THSD4: variants seen among roughly 807,000 people sequenced by gnomAD.
THSD4 encodes thrombospondin type-1 domain-containing protein 4.
THSD4 carries 69 observed loss-of-function variants against 119.0 expected under a neutral mutation model. That is an observed-to-expected ratio of 0.58 (90% CI 0.48 to 0.71). The LOEUF (loss-of-function observed/expected upper bound fraction) is 0.71. Among genes scored for constraint, THSD4 ranks in the 30% least tolerant of loss-of-function variants. The probability of loss-of-function intolerance (pLI) is 0.00; values close to 1 mark genes in which losing one functional copy is unlikely to be tolerated. For synonymous variants in THSD4, 524 were observed against 540.4 expected (o/e 0.97, Z 0.42); for missense variants, 1,393 against 1,391.1 (o/e 1.00, Z -0.02).
chr15:71,253,754 A>G (rs2044284821), intron 5 of THSD4, among the ~76,000 whole-genome samples: 1 of 152,180 alleles, frequency 6.6e-6, no homozygotes, highest in Non-Finnish European at 1.5e-5. Flanking sequence ...TTGCAGAAAA[A>G]ATTAAATAAC....
At chr15:71,558,930 T>C (rs1356902024) in intron 7 of THSD4, among the ~76,000 whole-genome samples, 1 of 152,210 alleles carries the variant, frequency 6.6e-6, no homozygotes, top group African/African-American at 2.4e-5. Flanking sequence ...GTATGTGCGA[T>C]GCTGATTTTT....
At chr15:71,244,421 A>G (rs923295309) in intron 5 of THSD4, among the ~76,000 whole-genome samples, 7 of 152,206 alleles carry the variant, frequency 4.6e-5, no homozygotes, top group African/African-American at 1.4e-4. Flanking sequence ...CAATTTCCTC[A>G]TTAAAAATAT....
intron 7 of THSD4, among the ~76,000 whole-genome samples, chr15:71,449,123 C>T (rs1039113507): frequency 1.3e-5 from 2 of 152,196 alleles, no homozygotes; most frequent in African/African-American, 4.8e-5. Flanking sequence ...GAAACCTATT[C>T]TCCTTGGCCA....
intron 7 of THSD4, among the ~76,000 whole-genome samples, chr15:71,593,716 A>G (rs940019199): frequency 3.3e-5 from 5 of 152,046 alleles, no homozygotes; most frequent in African/African-American, 1.2e-4. Context: ...CCTGGGCAAC[A>G]TGGCAAAACC....
chr15:71,291,955 T>A (rs1179027646), intron 6 of THSD4, among the ~76,000 whole-genome samples: 2 of 152,184 alleles, frequency 1.3e-5, no homozygotes, highest in Non-Finnish European at 2.9e-5. Context: ...CACATCCTGC[T>A]TTCTTGGTTA....
intron 10 of THSD4, among the ~76,000 whole-genome samples, chr15:71,735,342 G>A (rs1447578822): frequency 2.6e-5 from 4 of 152,090 alleles, no homozygotes; most frequent in Non-Finnish European, 4.4e-5. Context: ...GCTTCCTCCT[G>A]GGACACTGGA....
chr15:71,295,998 CCTTT>C (rs1415030183), intron 6 of THSD4, among the ~76,000 whole-genome samples: 1 of 152,140 alleles, frequency 6.6e-6, no homozygotes, highest in Non-Finnish European at 1.5e-5. Context: ...ATAGCCTATT[CCTTT>C]CTATTGCTCA....
chr15:71,580,454 A>G (rs2049536750), intron 7 of THSD4, among the ~76,000 whole-genome samples: 1 of 152,212 alleles, frequency 6.6e-6, no homozygotes, highest in Non-Finnish European at 1.5e-5. Flanking sequence ...GCTAATTAAC[A>G]TATCCATCAC....
intron 7 of THSD4, among the ~76,000 whole-genome samples, chr15:71,438,370 G>T (rs2140549185): frequency 6.6e-6 from 1 of 151,960 alleles, no homozygotes; most frequent in African/African-American, 2.4e-5. Context: ...TTTTTAAATG[G>T]CAAATTTAGC....
intron 7 of THSD4, among the ~76,000 whole-genome samples, chr15:71,587,831 T>TGGTAA (rs2049711504): frequency 6.8e-6 from 1 of 148,102 alleles, no homozygotes; most frequent in African/African-American, 2.5e-5. Flanking sequence ...AAAAAACAGT[T>TGGTAA]TTACCATGTT....
Position 71,478,730 on chromosome 15 carries a change from G to A in THSD4, c.1152+66907G>A, listed in dbSNP as rs79161158. 5.1e-4 allele frequency among the ~76,000 whole-genome samples: 77 copies of A among 152,184 alleles called. No homozygotes were observed. In the East Asian group the frequency reaches 0.012, roughly 23 times the overall value. On this transcript the variant is annotated intron_variant, in intron 7 of 17. Transcript: ENST00000261862. ...GGGATGTGCAATAATAAAATATTGGGGACTGTATTTCTGATAAAGGGAAGA... is the reference window on the plus strand; with the variant it reads ...GGGATGTGCAATAATAAAATATTGGAGACTGTATTTCTGATAAAGGGAAGA...
At chr15:71,556,962 T>C (rs946140784) in intron 7 of THSD4, among the ~76,000 whole-genome samples, 4 of 152,196 alleles carry the variant, frequency 2.6e-5, no homozygotes, top group African/African-American at 9.6e-5. Flanking sequence ...ATTTTGAGTT[T>C]GTTTCTTTTC....
intron 3 of THSD4, among the ~76,000 whole-genome samples, chr15:71,158,717 G>A (rs2043225481): frequency 6.6e-6 from 1 of 151,340 alleles, no homozygotes; most frequent in African/African-American, 2.4e-5. Context: ...CCCCTTGTCA[G>A]ATGTATAGTT....
rs1463517184 is a variant in THSD4 at position 71,781,010 on chromosome 15, CAT to C, written c.*3638_*3639del. 2 of 333,248 alleles carry C rather than the reference CAT, an allele frequency of 6.0e-6. No homozygotes were observed. Among genetic ancestry groups the C allele is most frequent in the East Asian group, 1.5e-4 (2 of 13,354 alleles). The allele number at this position is 333,248 out of a possible 1,614,324, so 20.6% of individuals were successfully genotyped here. A position where few individuals can be genotyped will look rare whatever the true frequency, so the allele number is the denominator to read the frequency against. The stretch of plus-strand genomic sequence containing the variant: ...ATATCAATTCTAATGAGGAGGAAGA[CAT>C]AAATATAAGTGGTAAAAAGAAACAT... On this transcript the variant is annotated 3_prime_UTR_variant, in exon 18 of 18. Transcript: ENST00000261862.
intron 16 of THSD4, among the ~76,000 whole-genome samples, chr15:71,768,883 G>A (rs1273989287): frequency 3.9e-5 from 4 of 101,874 alleles, no homozygotes; most frequent in African/African-American, 1.2e-4. Flanking sequence ...CAGCAATCCT[G>A]ATTTTTAAAG....
chr15:71,359,572 G>A (rs1020787463), intron 6 of THSD4, among the ~76,000 whole-genome samples: 8 of 152,184 alleles, frequency 5.3e-5, no homozygotes, highest in African/African-American at 1.9e-4. Context: ...CTTTGGGAGG[G>A]CGAGGTGGGT....
chr15:71,333,606 AT>A (rs1475038611), intron 6 of THSD4, among the ~76,000 whole-genome samples: 5 of 152,184 alleles, frequency 3.3e-5, no homozygotes, highest in East Asian at 1.9e-4. Context: ...CTTAGGGGAC[AT>A]TCCCATGGCA....
chr15:71,474,519 CCTT>C (rs1008714494), intron 7 of THSD4, among the ~76,000 whole-genome samples: 15 of 152,168 alleles, frequency 9.9e-5, no homozygotes, highest in Non-Finnish European at 1.6e-4. Context: ...CCGCGCCTGG[CCTT>C]CTACTTTATT....
intron 6 of THSD4, among the ~76,000 whole-genome samples, chr15:71,404,875 T>TTTTC (rs1186646798): frequency 7.0e-6 from 1 of 142,610 alleles, no homozygotes; most frequent in Non-Finnish European, 1.5e-5. Flanking sequence ...CTTTCCTTTC[T>TTTTC]TTTCTTTCTT....
Sources: gnomAD v4.1 joint callset for allele counts (sites outside exome capture counted in the v4.1 genomes callset) on GRCh38, gnomAD v4.1.1 for gene constraint, MANE v1.5 for transcripts, NCBI Gene and HGNC (gene_info 2026-07-23, HGNC 2026-07-21) for gene names.